The following NDUFA10 variants were observed in gnomAD, a reference collection of about 807,000 sequenced individuals.
The protein encoded by NDUFA10 is NADH dehydrogenase [ubiquinone] 1 alpha subcomplex subunit 10, mitochondrial.
Under a neutral mutation model 47.8 loss-of-function variants are expected in NDUFA10, and 40 were observed. That is an observed-to-expected ratio of 0.84 (90% CI 0.65 to 1.09). NDUFA10 has a LOEUF of 1.09. Among genes scored for constraint, NDUFA10 ranks in the 50% least tolerant of loss-of-function variants. NDUFA10 has a pLI of 0.00. For missense variants in NDUFA10, 413 were observed against 451.1 expected, an observed-to-expected ratio of 0.92 and a Z score of 0.76; for synonymous variants, 183 against 172.2, an observed-to-expected ratio of 1.06 and a Z score of -0.49.
In NDUFA10 at chr2:240,018,557, C is replaced by T. The variant is rs773389850; in HGVS notation, c.543G>A (p.Lys181=). The T allele has an allele frequency of 6.2e-6, 10 of 1,614,236 alleles. No homozygotes were observed. The South Asian group carries it at 1.1e-4, about 18-fold the overall frequency. Residue 181 remains lysine (K), a synonymous_variant, in exon 4 of 10, where the codon AAG becomes AAA. Transcript: ENST00000252711. ...EAMYNQGFIR[K]QCVDHYNEVK... ...GGGTCTGCAATGCTGACTCACACTG[C>T]TTTCGGATGAATCCCTGGTTGTACA...
intron 8 of NDUFA10, among the ~76,000 whole-genome samples, chr2:240,000,925 C>T (rs564220819): frequency 6.6e-6 from 1 of 152,202 alleles, no homozygotes; most frequent in Non-Finnish European, 1.5e-5. Context: ...ATGATGAAAT[C>T]GCCTAACGAC....
chr2:239,973,933 A>T (rs1432114645), intron 9 of NDUFA10, among the ~76,000 whole-genome samples: 1 of 152,026 alleles, frequency 6.6e-6, no homozygotes, highest in Non-Finnish European at 1.5e-5. Flanking sequence ...TTTTTATTTA[A>T]TTTTAGTTTT....
intron 9 of NDUFA10, among the ~76,000 whole-genome samples, chr2:239,967,173 G>C (rs1349572284): frequency 6.6e-6 from 1 of 152,212 alleles, no homozygotes; most frequent in Non-Finnish European, 1.5e-5. Flanking sequence ...CATCGGAATG[G>C]GTTGAATTTA....
At chr2:239,938,170 T>G (rs1694299198) in intron 4 of NDUFA10, among the ~76,000 whole-genome samples, 1 of 152,176 alleles carries the variant, frequency 6.6e-6, no homozygotes, top group Non-Finnish European at 1.5e-5. Flanking sequence ...CTCCCCCATC[T>G]GTCAGGGCCT....
chr2:239,969,435 C>CCTGACCCAGCATCTG (rs1553563005), intron 9 of NDUFA10: 5 of 313,432 alleles, frequency 1.6e-5, no homozygotes, highest in Non-Finnish European at 3.2e-5. Context: ...TCCTGCTGCT[C>CCTGACCCAGCATCTG]CTGACCCTCA....
At chr2:240,003,188 T>G (rs1347294136) in intron 8 of NDUFA10, among the ~76,000 whole-genome samples, 2 of 152,156 alleles carry the variant, frequency 1.3e-5, no homozygotes, top group East Asian at 3.8e-4. Flanking sequence ...TTTTGATCAG[T>G]GAACTTTTAG....
chr2:239,938,500 A>G (rs66797733), intron 4 of NDUFA10, among the ~76,000 whole-genome samples: 56,284 of 152,050 alleles, frequency 0.37, 10,594 homozygotes, highest in East Asian at 0.46. Flanking sequence ...AAGCTCTTCT[A>G]TGTGTGTGAG....
intron 8 of NDUFA10, among the ~76,000 whole-genome samples, chr2:240,001,280 C>T (rs181340524): frequency 2.0e-5 from 3 of 152,226 alleles, no homozygotes; most frequent in Non-Finnish European, 4.4e-5. Flanking sequence ...AGAAAAAAAG[C>T]TTAGTATTAA....
At chr2:239,976,757 C>T (rs893487126) in intron 9 of NDUFA10, among the ~76,000 whole-genome samples, 11 of 152,128 alleles carry the variant, frequency 7.2e-5, no homozygotes, top group African/African-American at 2.7e-4. Context: ...GAAGGCGAGG[C>T]GACTCCACCA....
intron 9 of NDUFA10, among the ~76,000 whole-genome samples, chr2:239,970,762 A>C (rs1695274828): frequency 6.6e-6 from 1 of 152,376 alleles, no homozygotes; most frequent in Admixed American, 6.5e-5. Context: ...GAAATGAAAT[A>C]AAGAGGGGTA....
At position 239,959,913 on chromosome 2, in the gene NDUFA10, G is replaced by A. The variant is rs573407539; in HGVS notation, c.*1205C>T. 9 of 985,516 alleles carry A rather than the reference G, an allele frequency of 9.1e-6. No individual in the cohort carries two copies. The highest frequency in any genetic ancestry group is 5.2e-5 in the African/African-American group (3 of 57,364). The allele number at this position is 985,516 out of a possible 1,614,324, so 61.0% of individuals were successfully genotyped here. On this transcript the variant is annotated 3_prime_UTR_variant, in exon 10 of 10. Coordinates refer to ENST00000252711, the MANE Select transcript of NDUFA10 (RefSeq NM_004544.4). ...AGTGTGCATCTTCTTCGCATGCTCC[G>A]CAGCAGCGAGGCCTGGTAGAGCTTC... is the stretch of plus-strand genomic sequence containing the variant.
intron 9 of NDUFA10, among the ~76,000 whole-genome samples, chr2:239,967,634 G>A (rs763481292): frequency 1.8e-4 from 27 of 152,162 alleles, no homozygotes; most frequent in Admixed American, 1.0e-3. Context: ...GTCCTGTGCC[G>A]GCTAAGTGCC....
chr2:239,998,352 C>T (rs970080186), intron 8 of NDUFA10, among the ~76,000 whole-genome samples: 1 of 152,214 alleles, frequency 6.6e-6, no homozygotes, highest in African/African-American at 2.4e-5. Flanking sequence ...CTGTTAAAAT[C>T]CCAGGCTCTG....
At chr2:239,909,652 A>C (rs1411531364) in intron 4 of NDUFA10, among the ~76,000 whole-genome samples, 1 of 152,138 alleles carries the variant, frequency 6.6e-6, no homozygotes, top group Non-Finnish European at 1.5e-5. Context: ...CCCTAGAAGA[A>C]AATCTAGGCA....
chr2:239,949,017 C>G (rs1694504207), intron 4 of NDUFA10, among the ~76,000 whole-genome samples: 1 of 152,252 alleles, frequency 6.6e-6, no homozygotes, highest in Non-Finnish European at 1.5e-5. Context: ...AGCCCCCAAC[C>G]CCAAGCTTCC....
At position 239,990,139 on chromosome 2, in the gene NDUFA10, T is replaced by A. The variant is rs780552550; in HGVS notation, c.934A>T (p.Ile312Phe). 3.7e-6 allele frequency: 6 copies of A among 1,613,872 alleles called. No homozygotes were observed. Among genetic ancestry groups the A allele is most frequent in the Non-Finnish European group, 5.1e-6 (6 of 1,179,920 alleles). ...FEVLNYTSIPIFLPEVTIGAH... is the reference protein window; with the variant it reads ...FEVLNYTSIPFFLPEVTIGAH... ...CCAATGGTGACTTCCGGGAGAAAGA[T>A]AGGAATGCTTGTGTAATTCAGCACC... The change falls in exon 9 of 10, where the codon ATC becomes TTC. Residue 312 changes from isoleucine to phenylalanine, a missense_variant. By Grantham distance (21) the Ile-to-Phe change is conservative. Coordinates refer to ENST00000252711, the MANE Select transcript of NDUFA10 (RefSeq NM_004544.4).
chr2:239,977,813 G>C (rs1695590176), intron 9 of NDUFA10, among the ~76,000 whole-genome samples: 1 of 152,202 alleles, frequency 6.6e-6, no homozygotes, highest in African/African-American at 2.4e-5. Flanking sequence ...CGTGGTCACT[G>C]GGCCTGGTCA....
rs1694775298 is a variant in NDUFA10 at position 239,959,820 on chromosome 2, A to G, written c.*1298T>C. 9.0e-6 allele frequency: 8 copies of G among 887,208 alleles called. No individual in the cohort carries two copies. Among genetic ancestry groups the G allele is most frequent in the Non-Finnish European group, 1.1e-5 (8 of 741,244 alleles). The allele number at this position is 887,208 out of a possible 1,614,324, so 55.0% of individuals were successfully genotyped here. ...ATGGAAGGAAGAAAGGAAGGGAGGG[A>G]AGGAGGAGGAAAGAAGGAGGGAAGG... On this transcript the variant is annotated 3_prime_UTR_variant, in exon 10 of 10. Transcript: ENST00000252711.
At chr2:239,948,721 C>A (rs1694499211) in intron 4 of NDUFA10, among the ~76,000 whole-genome samples, 1 of 152,210 alleles carries the variant, frequency 6.6e-6, no homozygotes, top group Admixed American at 6.5e-5. Context: ...CTCAGTATGT[C>A]CCTTCATCTT....
Sources: gnomAD v4.1 joint callset for allele counts (sites outside exome capture counted in the v4.1 genomes callset) on GRCh38, gnomAD v4.1.1 for gene constraint, MANE v1.5 for transcripts, NCBI Gene and HGNC (gene_info 2026-07-23, HGNC 2026-07-21) for gene names.